THSD7A: variants seen among roughly 807,000 people sequenced by gnomAD.
THSD7A encodes the protein thrombospondin type 1 domain containing 7A.
A neutral mutation model predicts 231.3 loss-of-function variants in THSD7A; 96 were observed. The observed-to-expected ratio is 0.41, with a 90% confidence interval of 0.35 to 0.49. THSD7A has a LOEUF of 0.49. Among genes scored for constraint, THSD7A ranks in the 20% least tolerant of loss-of-function variants. The probability of loss-of-function intolerance (pLI) is 0.05; values close to 1 mark genes in which losing one functional copy is unlikely to be tolerated. For synonymous variants in THSD7A, 940 were observed against 743.3 expected (o/e 1.26, Z -4.30); for missense variants, 2,290 against 2,070.2 (o/e 1.11, Z -2.06).
intron 13 of THSD7A, among the ~76,000 whole-genome samples, chr7:11,439,068 C>A (rs1053098128): frequency 1.3e-5 from 2 of 151,668 alleles, no homozygotes; most frequent in African/African-American, 4.8e-5. Context: ...TCATTTTTTT[C>A]ATTAAAGTTC....
intron 19 of THSD7A, among the ~76,000 whole-genome samples, chr7:11,409,327 T>G (rs2115377657): frequency 6.6e-6 from 1 of 152,362 alleles, no homozygotes; most frequent in Admixed American, 6.5e-5. Flanking sequence ...GATGTGGCAC[T>G]GAATGCAGGG....
chr7:11,480,230 T>C (rs1327144322), intron 7 of THSD7A, among the ~76,000 whole-genome samples: 1 of 152,200 alleles, frequency 6.6e-6, no homozygotes, highest in African/African-American at 2.4e-5. Context: ...CAATCACAAA[T>C]TTCTGCCTTT....
At chr7:11,639,398 T>G (rs1256199737) in intron 1 of THSD7A, among the ~76,000 whole-genome samples, 1 of 152,102 alleles carries the variant, frequency 6.6e-6, no homozygotes, top group Non-Finnish European at 1.5e-5. Context: ...GGCCGGGCGC[T>G]GTGGCTCATG....
chr7:11,770,747 G>GT (rs1487802738), intron 1 of THSD7A, among the ~76,000 whole-genome samples: 1 of 152,042 alleles, frequency 6.6e-6, no homozygotes, highest in Non-Finnish European at 1.5e-5. Flanking sequence ...TAATGCTAAA[G>GT]TAAGGTCAAT....
chr7:11,457,518 C>T lies in THSD7A; in HGVS notation c.2605+3144G>A, dbSNP rs545247642. 9.2e-5 allele frequency among the ~76,000 whole-genome samples: 14 copies of T among 152,158 alleles called. No individual in the cohort carries two copies. In the South Asian group the frequency reaches 2.1e-3, roughly 22 times the overall value. On this transcript the variant is annotated intron_variant, in intron 11 of 27. Coordinates refer to ENST00000423059, the MANE Select transcript of THSD7A (RefSeq NM_015204.3). ...ATTACTGTTGTTTCTATGACTTCAA[C>T]CTTGCACTGCTACAGCAGCATACTA... is the stretch of plus-strand genomic sequence containing the variant.
intron 1 of THSD7A, among the ~76,000 whole-genome samples, chr7:11,684,813 G>A (rs539793803): frequency 6.6e-6 from 1 of 151,942 alleles, no homozygotes; most frequent in South Asian, 2.1e-4. Context: ...GCAATCTACA[G>A]ATTCTAAGCA....
intron 1 of THSD7A, among the ~76,000 whole-genome samples, chr7:11,811,725 T>A (rs1784532546): frequency 1.3e-5 from 2 of 152,144 alleles, no homozygotes; most frequent in Admixed American, 1.3e-4. Context: ...CACAGCTGTA[T>A]CCCATACAGC....
At chr7:11,468,886 G>T (rs551908392) in intron 9 of THSD7A, among the ~76,000 whole-genome samples, 6 of 152,106 alleles carry the variant, frequency 3.9e-5, no homozygotes, top group Non-Finnish European at 8.8e-5. Flanking sequence ...ACTTCTAAGT[G>T]TGGTTTAATT....
At chr7:11,543,154 A>T in intron 4 of THSD7A, 37 bp from the exon 5 acceptor site, 1 of 1,580,758 alleles carries the variant, frequency 6.3e-7, no homozygotes. Flanking sequence ...AAAAATGAAC[A>T]AAAGGAACAT....
intron 14 of THSD7A, 42 bp downstream of exon 14, chr7:11,428,905 G>T: frequency 6.5e-7 from 1 of 1,545,882 alleles, no homozygotes; most frequent in South Asian, 1.3e-5. Flanking sequence ...AGATCATTGT[G>T]AATCTCAACA....
intron 1 of THSD7A, among the ~76,000 whole-genome samples, chr7:11,818,962 T>C (rs558533709): frequency 3.3e-4 from 50 of 152,300 alleles, no homozygotes; most frequent in African/African-American, 1.2e-3. Flanking sequence ...CACTCTGGAC[T>C]GAGACTTTGA....
intron 4 of THSD7A, among the ~76,000 whole-genome samples, chr7:11,545,066 A>T (rs1468294737): frequency 1.3e-5 from 2 of 152,168 alleles, no homozygotes; most frequent in African/African-American, 2.4e-5. Flanking sequence ...GACACCAATG[A>T]TACACATTTC....
At chr7:11,621,492 T>C (rs1781310135) in intron 2 of THSD7A, among the ~76,000 whole-genome samples, 1 of 152,156 alleles carries the variant, frequency 6.6e-6, no homozygotes, top group Admixed American at 6.6e-5. Flanking sequence ...TATTTTATTT[T>C]AAATTGCAGA....
intron 19 of THSD7A, among the ~76,000 whole-genome samples, chr7:11,409,096 G>A (rs1783688394): frequency 1.3e-5 from 2 of 152,076 alleles, no homozygotes; most frequent in Admixed American, 1.3e-4. Flanking sequence ...TTACCTAAAT[G>A]TGTGTGTAAA....
intron 1 of THSD7A, among the ~76,000 whole-genome samples, chr7:11,829,074 A>G (rs1207170557): frequency 1.3e-5 from 2 of 152,060 alleles, no homozygotes; most frequent in Non-Finnish European, 2.9e-5. Flanking sequence ...TTATTGTAAC[A>G]ATATAGTATA....
intron 1 of THSD7A, among the ~76,000 whole-genome samples, chr7:11,653,279 T>G: frequency 6.6e-6 from 1 of 151,882 alleles, no homozygotes; most frequent in East Asian, 1.9e-4. Flanking sequence ...AACACATAAA[T>G]AGTACCCATG....
chr7:11,402,590 A>G (rs1200019199), intron 22 of THSD7A, among the ~76,000 whole-genome samples: 1 of 152,202 alleles, frequency 6.6e-6, no homozygotes, highest in East Asian at 1.9e-4. Context: ...AAATGATCAC[A>G]TATCATAGAT....
chr7:11,811,667 A>T (rs1784531444), intron 1 of THSD7A, among the ~76,000 whole-genome samples: 1 of 152,322 alleles, frequency 6.6e-6, no homozygotes, highest in Non-Finnish European at 1.5e-5. Context: ...TCATTTGAAT[A>T]TATTTATACT....
intron 2 of THSD7A, among the ~76,000 whole-genome samples, chr7:11,601,112 C>T (rs1405584631): frequency 1.3e-5 from 2 of 152,146 alleles, no homozygotes; most frequent in South Asian, 2.1e-4. Context: ...TCTGTAATTC[C>T]TCTCTTACAA....
Sources: gnomAD v4.1 joint callset for allele counts (sites outside exome capture counted in the v4.1 genomes callset) on GRCh38, gnomAD v4.1.1 for gene constraint, MANE v1.5 for transcripts, NCBI Gene and HGNC (gene_info 2026-07-23, HGNC 2026-07-21) for gene names.